AUTS2: variants seen among roughly 807,000 people sequenced by gnomAD.
AUTS2 encodes the protein autism susceptibility gene 2 protein.
Under a neutral mutation model 112.4 loss-of-function variants are expected in AUTS2, and 17 were observed. The ratio of observed to expected loss-of-function variants is 0.15; its 90% CI spans 0.10 to 0.23. AUTS2 has a LOEUF of 0.23. AUTS2 is among the 10% of genes least tolerant of loss of function. The pLI, the probability that AUTS2 is intolerant of heterozygous loss-of-function variation, is 1.00. For synonymous variants in AUTS2, 751 were observed against 702.7 expected (o/e 1.07, Z -1.09); for missense variants, 1,510 against 1,701.6 (o/e 0.89, Z 1.98).
chr7:69,870,915 G>T (rs1332324837), intron 1 of AUTS2, among the ~76,000 whole-genome samples: 2 of 152,182 alleles, frequency 1.3e-5, no homozygotes, highest in African/African-American at 4.8e-5. Flanking sequence ...GTTGTGCAAT[G>T]CCAGTTTTAA....
intron 2 of AUTS2, among the ~76,000 whole-genome samples, chr7:70,019,166 A>T (rs1379520340): frequency 6.6e-6 from 1 of 152,234 alleles, no homozygotes; most frequent in Non-Finnish European, 1.5e-5. Context: ...GCAGGAACAG[A>T]AAACCAAATA....
Position 70,213,701 on chromosome 7 carries a change from A to G in AUTS2, c.660+79130A>G, listed in dbSNP as rs60142113. On this transcript the variant is annotated intron_variant, in intron 4 of 18. Coordinates refer to ENST00000342771, the MANE Select transcript of AUTS2 (RefSeq NM_015570.4). ...TAAAACGATGGCTCTTGCTATGGGAAACAGTTTTATTTGGGTACTCATGTC... is the reference window on the plus strand; with the variant it reads ...TAAAACGATGGCTCTTGCTATGGGAGACAGTTTTATTTGGGTACTCATGTC... 9.6e-3 allele frequency among the ~76,000 whole-genome samples: 1,455 copies of G among 152,268 alleles called. 61 individuals carry two copies. In the East Asian group the frequency reaches 0.13, roughly 13 times the overall value.
chr7:70,686,419 C>T (rs1808476505), intron 5 of AUTS2, among the ~76,000 whole-genome samples: 1 of 152,168 alleles, frequency 6.6e-6, no homozygotes, highest in Admixed American at 6.5e-5. Context: ...GGAGGATAAG[C>T]TAGGATTTGA....
chr7:70,081,342 G>A (rs1803296967), intron 2 of AUTS2, among the ~76,000 whole-genome samples: 1 of 149,386 alleles, frequency 6.7e-6, no homozygotes, highest in Admixed American at 6.7e-5. Flanking sequence ...CTTGAGGTCA[G>A]GAGTTTGAGA....
At chr7:70,353,010 A>C (rs1483390718) in intron 4 of AUTS2, among the ~76,000 whole-genome samples, 7 of 152,192 alleles carry the variant, frequency 4.6e-5, no homozygotes. Flanking sequence ...AGTGGAATTC[A>C]GTGACACTCA....
At chr7:70,416,669 T>C (rs1375472421) in intron 4 of AUTS2, among the ~76,000 whole-genome samples, 1 of 152,200 alleles carries the variant, frequency 6.6e-6, no homozygotes, top group Non-Finnish European at 1.5e-5. Context: ...CCACAAAATA[T>C]GTTCTCTCGC....
intron 4 of AUTS2, among the ~76,000 whole-genome samples, chr7:70,174,637 A>G (rs534490850): frequency 2.6e-5 from 4 of 152,330 alleles, no homozygotes; most frequent in Non-Finnish European, 5.9e-5. Context: ...AGTTGAAACC[A>G]TTGCTTATTT....
intron 5 of AUTS2, among the ~76,000 whole-genome samples, chr7:70,668,270 C>T (rs940053782): frequency 6.6e-6 from 1 of 152,204 alleles, no homozygotes; most frequent in Non-Finnish European, 1.5e-5. Context: ...TGAGCCACCG[C>T]GCCCAGCCAG....
rs551242006 is a variant in AUTS2, at chr7:70,144,441, G to A, written c.660+9870G>A. ...ATTCTGGGAAGCAAAGGAAGCTAGT[G>A]AACCCAAAATGTTCTTTTAATCAGA... On this transcript the variant is annotated intron_variant, in intron 4 of 18. Transcript: ENST00000342771. 2.0e-5 allele frequency among the ~76,000 whole-genome samples: 3 copies of A among 152,168 alleles called. No homozygotes were observed. In the South Asian group the frequency reaches 6.2e-4, roughly 32 times the overall value.
intron 5 of AUTS2, among the ~76,000 whole-genome samples, chr7:70,479,136 C>A (rs1008729401): frequency 4.0e-5 from 6 of 151,822 alleles, no homozygotes; most frequent in African/African-American, 1.5e-4. Flanking sequence ...TGTATCAGTG[C>A]ATTTTTTGTG....
intron 1 of AUTS2, among the ~76,000 whole-genome samples, chr7:69,863,974 G>C (rs551176946): frequency 1.3e-5 from 2 of 152,278 alleles, no homozygotes; most frequent in Admixed American, 6.5e-5. Context: ...CTGTCTCTCT[G>C]ACAGACCTGT....
chr7:69,921,625 G>A (rs1468810475), intron 2 of AUTS2, among the ~76,000 whole-genome samples: 1 of 151,492 alleles, frequency 6.6e-6, no homozygotes, highest in South Asian at 2.1e-4. Flanking sequence ...ACAAAAATTA[G>A]CCAGGCTTGG....
intron 13 of AUTS2, chr7:70,776,654 G>C: frequency 4.7e-6 from 1 of 213,942 alleles, no homozygotes; most frequent in South Asian, 7.4e-5. Context: ...GGTTAGGACA[G>C]GTTCTGTACC....
At chr7:69,902,802 C>G (rs1795018183) in intron 2 of AUTS2, among the ~76,000 whole-genome samples, 1 of 152,114 alleles carries the variant, frequency 6.6e-6, no homozygotes, top group African/African-American at 2.4e-5. Context: ...TTCCATACTA[C>G]CAAAAGAAAG....
intron 4 of AUTS2, among the ~76,000 whole-genome samples, chr7:70,177,343 A>G (rs1809043120): frequency 1.3e-5 from 2 of 151,920 alleles, no homozygotes; most frequent in African/African-American, 2.4e-5. Flanking sequence ...GTGAGTCGCC[A>G]TATAGCTAGT....
chr7:70,561,277 A>T (rs1801473703), intron 5 of AUTS2, among the ~76,000 whole-genome samples: 1 of 152,166 alleles, frequency 6.6e-6, no homozygotes, highest in Admixed American at 6.5e-5. Flanking sequence ...AAGACTCTGT[A>T]CCAGTCGAGA....
At chr7:70,702,446 C>T (rs1276743381) in intron 6 of AUTS2, among the ~76,000 whole-genome samples, 1 of 152,208 alleles carries the variant, frequency 6.6e-6, no homozygotes, top group Non-Finnish European at 1.5e-5. Context: ...GAGAGGGGCA[C>T]AGTGGTGTAT....
chr7:69,679,530 G>A (rs766157002), intron 1 of AUTS2, among the ~76,000 whole-genome samples: 1 of 152,200 alleles, frequency 6.6e-6, no homozygotes, highest in Non-Finnish European at 1.5e-5. Flanking sequence ...AAATGATGAT[G>A]TGTGATACCT....
chr7:70,085,878 T>C (rs1405878968), intron 2 of AUTS2, among the ~76,000 whole-genome samples: 1 of 152,148 alleles, frequency 6.6e-6, no homozygotes, highest in Non-Finnish European at 1.5e-5. Flanking sequence ...TGTCTTTGTA[T>C]CATCTGTTAG....
Sources: gnomAD v4.1 joint callset for allele counts (sites outside exome capture counted in the v4.1 genomes callset) on GRCh38, gnomAD v4.1.1 for gene constraint, MANE v1.5 for transcripts, NCBI Gene and HGNC (gene_info 2026-07-23, HGNC 2026-07-21) for gene names.